Variants in KDM7A observed in about 807,000 individuals in gnomAD.
KDM7A encodes the protein lysine-specific demethylase 7A.
Under a neutral mutation model 114.8 loss-of-function variants are expected in KDM7A, and 28 were observed. The ratio of observed to expected loss-of-function variants is 0.24; its 90% confidence interval spans 0.18 to 0.33. The LOEUF (loss-of-function observed/expected upper bound fraction) is 0.33, where lower values mean the gene tolerates loss of function less well. KDM7A is among the 10% of genes least tolerant of loss of function. The probability of loss-of-function intolerance (pLI) is 1.00; values close to 1 mark genes in which losing one functional copy is unlikely to be tolerated. For synonymous variants in KDM7A, 423 were observed against 397.8 expected (o/e 1.06, Z -0.75); for missense variants, 942 against 1,142.5 (o/e 0.82, Z 2.53).
chr7:140,172,806 T>A (rs1794660458), intron 1 of KDM7A, among the ~76,000 whole-genome samples: 1 of 152,078 alleles, frequency 6.6e-6, no homozygotes, highest in African/African-American at 2.4e-5. Context: ...TGACAAAAGG[T>A]AACATGGAAT....
At position 140,091,649 on chromosome 7, in the gene KDM7A, T is replaced by C. The variant is rs77943588; in HGVS notation, c.2731+155A>G. On this transcript the variant is annotated intron_variant, in intron 19 of 19. Coordinates refer to ENST00000397560, the MANE Select transcript of KDM7A (RefSeq NM_030647.2). ...AGCTGACTTGGGTATCCTTTTTCTT[T>C]GTTCCTGTAGTAGCCTGTGTATACT... 4.6e-3 allele frequency among the ~76,000 whole-genome samples: 701 copies of C among 152,338 alleles called. 8 individuals are homozygous for C. Among genetic ancestry groups the C allele is most frequent in the African/African-American group, 0.015 (644 of 41,566 alleles).
chr7:140,149,476 AG>A (rs2116833721), intron 1 of KDM7A, among the ~76,000 whole-genome samples: 1 of 152,300 alleles, frequency 6.6e-6, no homozygotes, highest in African/African-American at 2.4e-5. Flanking sequence ...AAGAAGGAGG[AG>A]GTGCTTTACA....
chr7:140,132,159 TAATC>T (rs1818798048), intron 3 of KDM7A, among the ~76,000 whole-genome samples: 1 of 152,206 alleles, frequency 6.6e-6, no homozygotes, highest in Non-Finnish European at 1.5e-5. Flanking sequence ...ACCTCTGTGT[TAATC>T]ATATCAAGCA....
intron 1 of KDM7A, among the ~76,000 whole-genome samples, chr7:140,143,793 C>T (rs1174626693): frequency 2.6e-5 from 4 of 152,204 alleles, no homozygotes; most frequent in African/African-American, 9.6e-5. Context: ...TGCTTGAATA[C>T]TGAATCCACA....
At chr7:140,137,447 TAA>T (rs1818890016) in intron 2 of KDM7A, among the ~76,000 whole-genome samples, 1 of 152,252 alleles carries the variant, frequency 6.6e-6, no homozygotes, top group African/African-American at 2.4e-5. Context: ...AATTCTAAAC[TAA>T]AACTGCTATA....
chr7:140,104,197 G>C (rs984849031), intron 11 of KDM7A, among the ~76,000 whole-genome samples: 1 of 152,158 alleles, frequency 6.6e-6, no homozygotes, highest in South Asian at 2.1e-4. Context: ...GTTCTTTGTA[G>C]ATGCTGGATA....
Position 140,124,694 on chromosome 7 carries a change from C to T in KDM7A, c.978G>A (p.Val326=). The change falls in exon 7 of 20, where the codon GTG becomes GTA. Residue 326 remains valine, a synonymous_variant. Coordinates refer to ENST00000397560, the MANE Select transcript of KDM7A (RefSeq NM_030647.2). ...ATTTATCCACCTTATCTCCAAAGAA[C>T]ACCTCACTCTGGGTCACAGATGAAC... is the stretch of plus-strand genomic sequence containing the variant. ...SWSSSVTQSE[V]FFGDKVDKCY... is the part of the protein sequence containing the mutation. The T allele has an allele frequency of 6.2e-7, 1 of 1,613,324 alleles. No individual in the cohort carries two copies. The highest frequency in any genetic ancestry group is 8.5e-7 in the Non-Finnish European group (1 of 1,179,422).
chr7:140,102,718 C>A (rs1375895874), intron 11 of KDM7A, among the ~76,000 whole-genome samples: 3 of 152,206 alleles, frequency 2.0e-5, no homozygotes, highest in Non-Finnish European at 2.9e-5. Flanking sequence ...TTGCATTCCA[C>A]TGTTAATTTT....
chr7:140,148,337 G>A (rs1025197912), intron 1 of KDM7A, among the ~76,000 whole-genome samples: 5 of 151,906 alleles, frequency 3.3e-5, no homozygotes, highest in Admixed American at 2.0e-4. Flanking sequence ...CAGCTACCCC[G>A]CTTAGTAAGC....
In KDM7A at chr7:140,089,796, G is replaced by A. The variant is rs1447069404; in HGVS notation, c.*1298C>T. The A allele has an allele frequency of 6.6e-6, 1 of 152,160 alleles. No homozygotes were observed. Among genetic ancestry groups the A allele is most frequent in the African/African-American group, 2.4e-5 (1 of 41,440 alleles). 9.4% of individuals were successfully genotyped at this position (152,160 alleles called of 1,614,324 possible). A position where few individuals can be genotyped will look rare whatever the true frequency, so the allele number is the denominator to read the frequency against. ...ACTGGTCAGGTTAGGATAGATGGAA[G>A]AAACTGCCAAAAGCACCCATTTTAC... is the stretch of plus-strand genomic sequence containing the variant. On this transcript the variant is annotated 3_prime_UTR_variant, in exon 20 of 20. Transcript: ENST00000397560.
Position 140,090,808 on chromosome 7 carries a change from C to G in KDM7A, c.*286G>C. The G allele has an allele frequency of 2.7e-6, 1 of 372,138 alleles. No homozygotes were observed. The highest frequency in any genetic ancestry group is 4.8e-6 in the Non-Finnish European group (1 of 207,658). The allele number at this position is 372,138 out of a possible 1,614,324, so 23.1% of individuals were successfully genotyped here. ...CTACCACTGAAAATACATCAAGACA[C>G]TACCAACAACAAAATAAAATTCAAG... On this transcript the variant is annotated 3_prime_UTR_variant, in exon 20 of 20. Coordinates refer to ENST00000397560, the MANE Select transcript of KDM7A (RefSeq NM_030647.2).
intron 1 of KDM7A, among the ~76,000 whole-genome samples, chr7:140,153,756 G>C (rs1463156363): frequency 6.6e-6 from 1 of 152,172 alleles, no homozygotes; most frequent in Non-Finnish European, 1.5e-5. Flanking sequence ...CGCAAATGGC[G>C]GCAGTGGCAG....
In KDM7A at chr7:140,088,301, T is replaced by C. The variant is rs1817967044; in HGVS notation, c.*2793A>G. On this transcript the variant is annotated 3_prime_UTR_variant, in exon 20 of 20. Transcript: ENST00000397560. ...TTGAAAAGCATAATATTATGTGACA[T>C]TGTAAATTATAATCCAATGGATCCC... The C allele has an allele frequency of 7.8e-6, 3 of 384,804 alleles. No individual in the cohort carries two copies. The highest frequency in any genetic ancestry group is 2.1e-5 in the African/African-American group (1 of 48,224). 23.8% of individuals were successfully genotyped at this position (384,804 alleles called of 1,614,324 possible).
chr7:140,119,427 T>C (rs140471215), intron 8 of KDM7A, among the ~76,000 whole-genome samples: 3 of 152,332 alleles, frequency 2.0e-5, no homozygotes, highest in South Asian at 2.1e-4. Flanking sequence ...TACTTAAGAA[T>C]TGTATTGGAC....
chr7:140,116,255 A>AGTGTGTGTGT (rs10675737), intron 9 of KDM7A, among the ~76,000 whole-genome samples: 2 of 151,144 alleles, frequency 1.3e-5, no homozygotes, highest in African/African-American at 2.4e-5. Flanking sequence ...TTGCAGAATC[A>AGTGTGTGTGT]GTGTGTGTGT....
At chr7:140,127,659 A>C in intron 4 of KDM7A, 76 bp from the exon 5 acceptor site, 2 of 1,225,200 alleles carry the variant, frequency 1.6e-6, no homozygotes, top group Non-Finnish European at 2.4e-6. Flanking sequence ...AAAATATTTT[A>C]ACTTGGTATG....
intron 1 of KDM7A, among the ~76,000 whole-genome samples, chr7:140,170,744 G>GT (rs1315245029): frequency 1.3e-5 from 2 of 152,314 alleles, no homozygotes; most frequent in Non-Finnish European, 1.5e-5. Flanking sequence ...CTTCGAGAAT[G>GT]TAAGTCACAA....
intron 7 of KDM7A, among the ~76,000 whole-genome samples, chr7:140,123,774 T>C (rs1449919612): frequency 6.6e-6 from 1 of 152,110 alleles, no homozygotes; most frequent in African/African-American, 2.4e-5. Flanking sequence ...TGCTACAACA[T>C]GGATAAGCCT....
chr7:140,103,543 T>C (rs1818273289), intron 11 of KDM7A, among the ~76,000 whole-genome samples: 1 of 151,708 alleles, frequency 6.6e-6, no homozygotes, highest in Non-Finnish European at 1.5e-5. Context: ...TTCCCATCTA[T>C]GAGTGAGAAC....
Sources: allele counts gnomAD v4.1 joint callset (sites outside exome capture counted in the v4.1 genomes callset), GRCh38; gene constraint gnomAD v4.1.1; transcripts MANE v1.5; gene names NCBI Gene and HGNC (gene_info 2026-07-23, HGNC 2026-07-21).